BFSP2: variants seen among roughly 807,000 people sequenced by gnomAD.
The protein encoded by BFSP2 is phakinin.
Under a neutral mutation model 44.9 loss-of-function variants are expected in BFSP2, and 38 were observed. The observed-to-expected ratio is 0.85, with a 90% CI of 0.65 to 1.11. BFSP2 has a LOEUF of 1.11. Ranked by LOEUF, BFSP2 falls within the 50% of genes least tolerant of loss-of-function variation. The pLI is 0.00. For missense variants in BFSP2, 525 were observed against 533.0 expected (o/e 0.99, Z 0.15); for synonymous variants, 197 against 209.9 (o/e 0.94, Z 0.53).
At chr3:133,474,878 A>T in intron 6 of BFSP2, 91 bp from the exon 7 acceptor site, 1 of 1,522,370 alleles carries the variant, frequency 6.6e-7, no homozygotes, top group Non-Finnish European at 9.1e-7. Flanking sequence ...AGATTCTTTC[A>T]TGAGATGGCC....
At chr3:133,409,230 G>GTA in intron 1 of BFSP2, among the ~76,000 whole-genome samples, 1 of 139,392 alleles carries the variant, frequency 7.2e-6, no homozygotes, top group South Asian at 2.2e-4. Context: ...TGACACTGGT[G>GTA]TGTGTGTGTG....
At chr3:133,429,873 T>C (rs1253929058) in intron 1 of BFSP2, among the ~76,000 whole-genome samples, 2 of 151,860 alleles carry the variant, frequency 1.3e-5, no homozygotes, top group Admixed American at 6.6e-5. Flanking sequence ...TCATTTAGCA[T>C]TAGGTATATC....
intron 1 of BFSP2, among the ~76,000 whole-genome samples, chr3:133,431,994 C>A (rs2073726375): frequency 6.6e-6 from 1 of 151,948 alleles, no homozygotes; most frequent in South Asian, 2.1e-4. Flanking sequence ...CTCTCATATC[C>A]CCCCACCTTA....
At chr3:133,440,211 G>A (rs535518866) in intron 1 of BFSP2, among the ~76,000 whole-genome samples, 31 of 78,676 alleles carry the variant, frequency 3.9e-4, no homozygotes, top group African/African-American at 1.1e-3. Context: ...AGAATAGCAC[G>A]GGAAAACCTA....
intron 4 of BFSP2, among the ~76,000 whole-genome samples, chr3:133,457,753 A>G (rs2074025304): frequency 6.6e-6 from 1 of 152,188 alleles, no homozygotes. Flanking sequence ...TTTGCACTAC[A>G]CAAGTGGAGT....
intron 5 of BFSP2, 25 bp downstream of exon 5, chr3:133,466,984 G>C (rs1163524763): frequency 6.2e-7 from 1 of 1,612,290 alleles, no homozygotes. Flanking sequence ...GAAAGACCTG[G>C]TGTCCTTGTG....
Position 133,449,723 on chromosome 3 carries a change from C to A in BFSP2, c.730-580C>A, listed in dbSNP as rs1211848166. ...TGAAACCCTGTCTCCACTAAAAATACAAAAATTAGCTGGGCATGGTGGTGT... is the reference window on the plus strand; with the variant it reads ...TGAAACCCTGTCTCCACTAAAAATAAAAAAATTAGCTGGGCATGGTGGTGT... On this transcript the variant is annotated intron_variant, in intron 3 of 6. Coordinates refer to ENST00000302334, the MANE Select transcript of BFSP2 (RefSeq NM_003571.4). Among the ~76,000 whole-genome samples, 3 of 151,732 alleles carry A rather than the reference C, an allele frequency of 2.0e-5. No homozygotes were observed. The East Asian group carries it at 5.8e-4, about 29-fold the overall frequency.
chr3:133,416,019 C>G (rs1299921490), intron 1 of BFSP2, among the ~76,000 whole-genome samples: 2 of 140,964 alleles, frequency 1.4e-5, no homozygotes, highest in Non-Finnish European at 3.1e-5. Flanking sequence ...CCCGTCCTCT[C>G]CCCTCTACTC....
intron 1 of BFSP2, among the ~76,000 whole-genome samples, chr3:133,415,470 C>G (rs1319232605): frequency 7.7e-6 from 1 of 130,136 alleles, no homozygotes; most frequent in Non-Finnish European, 1.6e-5. Flanking sequence ...GTCCTCTCCC[C>G]TCTACTCACC....
At chr3:133,418,039 C>A (rs2073560222) in intron 1 of BFSP2, among the ~76,000 whole-genome samples, 1 of 117,902 alleles carries the variant, frequency 8.5e-6, no homozygotes, top group Non-Finnish European at 1.9e-5. Flanking sequence ...CCCCTCTACT[C>A]ATCCCTATCC....
chr3:133,432,094 T>A (rs11707603), intron 1 of BFSP2, among the ~76,000 whole-genome samples: 2 of 151,790 alleles, frequency 1.3e-5, no homozygotes, highest in Admixed American at 6.6e-5. Flanking sequence ...CCCTTACCCC[T>A]CTCAACGCCA....
At chr3:133,438,379 A>C (rs757308526) in intron 1 of BFSP2, among the ~76,000 whole-genome samples, 1 of 152,152 alleles carries the variant, frequency 6.6e-6, no homozygotes, top group Non-Finnish European at 1.5e-5. Context: ...ATACAAAATT[A>C]CAAAAATTAG....
At chr3:133,425,784 G>GGAAAGGGGAAGGGAAGGGAA (rs1559964116) in intron 1 of BFSP2, among the ~76,000 whole-genome samples, 1 of 13,208 alleles carries the variant, frequency 7.6e-5, no homozygotes, top group Non-Finnish European at 2.2e-4. Context: ...AAAGGGAAAG[G>GGAAAGGGGAAGGGAAGGGAA]GAAGGGAAGG....
intron 1 of BFSP2, chr3:133,410,018 C>A: frequency 5.6e-6 from 1 of 177,540 alleles, no homozygotes; most frequent in South Asian, 1.6e-4. Context: ...TCAGGAAATT[C>A]AACAGGACGA....
chr3:133,417,281 C>T (rs1469749128), intron 1 of BFSP2, among the ~76,000 whole-genome samples: 2 of 145,306 alleles, frequency 1.4e-5, no homozygotes, highest in Non-Finnish European at 3.0e-5. Context: ...CACCCTTGCC[C>T]TCTCCCTTCT....
chr3:133,415,672 CATTT>C, intron 1 of BFSP2, among the ~76,000 whole-genome samples: 1 of 126,922 alleles, frequency 7.9e-6, no homozygotes, highest in Non-Finnish European at 1.7e-5. Context: ...TCACACCTGC[CATTT>C]CCCCTCTACT....
rs781292197 is a variant in BFSP2 at position 133,400,954 on chromosome 3, C to T, written c.489+382C>T. Among the ~76,000 whole-genome samples the T allele has an allele frequency of 2.0e-5, 3 of 152,182 alleles. No individual in the cohort carries two copies. Among genetic ancestry groups the T allele is most frequent in the Non-Finnish European group, 4.4e-5 (3 of 68,028 alleles). The stretch of plus-strand genomic sequence containing the variant: ...CCAAAGTTGCATTTGCCCCATTACC[C>T]TGGGGCTGCCTCAGTCACCTTTACT... On this transcript the variant is annotated intron_variant, in intron 1 of 6. Transcript: ENST00000302334. This position sits in a 1 kb window ranked among gnomAD's most constrained non-coding sequence, Gnocchi z 4.0.
At chr3:133,465,029 A>T (rs1191951364) in intron 4 of BFSP2, among the ~76,000 whole-genome samples, 5 of 126,012 alleles carry the variant, frequency 4.0e-5, no homozygotes, top group Middle Eastern at 6.2e-3. Flanking sequence ...TCTTTTTGAG[A>T]TGGAGTCTCA....
intron 1 of BFSP2, among the ~76,000 whole-genome samples, chr3:133,426,909 G>C (rs1269078573): frequency 6.6e-6 from 1 of 152,208 alleles, no homozygotes. Context: ...TGATGACATA[G>C]CTTCATGTCC....
Sources: allele counts gnomAD v4.1 joint callset (sites outside exome capture counted in the v4.1 genomes callset), GRCh38; gene constraint gnomAD v4.1.1; non-coding constraint Gnocchi (gnomAD v3.1); transcripts MANE v1.5; gene names NCBI Gene and HGNC (gene_info 2026-07-23, HGNC 2026-07-21).